The following ADAM22 variants were observed in gnomAD, a reference collection of about 807,000 sequenced individuals.
ADAM22 encodes the protein disintegrin and metalloproteinase domain-containing protein 22.
A neutral mutation model predicts 144.6 loss-of-function variants in ADAM22; 65 were observed. That is an observed-to-expected ratio of 0.45 (90% CI 0.37 to 0.55). The LOEUF (loss-of-function observed/expected upper bound fraction) is 0.55. ADAM22 is among the 20% of genes least tolerant of loss of function. ADAM22 has a pLI of 0.00. For synonymous variants in ADAM22, 391 were observed against 412.6 expected, an observed-to-expected ratio of 0.95 and a Z score of 0.63; for missense variants, 974 against 1,184.9, an observed-to-expected ratio of 0.82 and a Z score of 2.61.
chr7:88,133,256 G>C (rs1303334570), intron 12 of ADAM22, among the ~76,000 whole-genome samples: 1 of 151,824 alleles, frequency 6.6e-6, no homozygotes, highest in African/African-American at 2.4e-5. Context: ...CCAGCTACTG[G>C]GGAGGCTGAA....
intron 26 of ADAM22, among the ~76,000 whole-genome samples, chr7:88,178,144 G>A (rs1171452314): frequency 6.6e-6 from 1 of 151,934 alleles, no homozygotes; most frequent in African/African-American, 2.4e-5. Context: ...AGATGACTTG[G>A]GTCAATAACA....
intron 26 of ADAM22, 59 bp downstream of exon 26, chr7:88,171,620 T>C (rs1323292410): frequency 7.1e-7 from 1 of 1,410,742 alleles, no homozygotes; most frequent in African/African-American, 1.5e-5. Flanking sequence ...ATTAGCATTG[T>C]TGGAATTCAT....
intron 3 of ADAM22, among the ~76,000 whole-genome samples, chr7:88,065,474 C>A (rs1810995235): frequency 6.6e-6 from 1 of 151,922 alleles, no homozygotes; most frequent in Non-Finnish European, 1.5e-5. Context: ...TTATTATAGA[C>A]ATTTTAAGGT....
At chr7:88,137,016 A>G (rs1833140614) in intron 14 of ADAM22, among the ~76,000 whole-genome samples, 1 of 152,116 alleles carries the variant, frequency 6.6e-6, no homozygotes, top group African/African-American at 2.4e-5. Flanking sequence ...TCTGTCCTCC[A>G]TTATTAATTC....
At chr7:88,150,886 A>T in intron 18 of ADAM22, 95 bp from the exon 19 acceptor site, 1 of 1,091,784 alleles carries the variant, frequency 9.2e-7, no homozygotes, top group Non-Finnish European at 1.4e-6. Flanking sequence ...TAGCCATATT[A>T]ACAAATATGT....
chr7:88,026,568 A>G (rs1799078616), intron 3 of ADAM22, among the ~76,000 whole-genome samples: 1 of 152,158 alleles, frequency 6.6e-6, no homozygotes, highest in African/African-American at 2.4e-5. Context: ...TGATTTTTGT[A>G]TGTTGTTTTT....
chr7:88,099,309 C>T (rs1422664959), intron 4 of ADAM22, among the ~76,000 whole-genome samples: 1 of 152,310 alleles, frequency 6.6e-6, no homozygotes, highest in Non-Finnish European at 1.5e-5. Flanking sequence ...GACTTCATTA[C>T]TCTGGCATTG....
chr7:87,966,225 G>C (rs993287642), intron 2 of ADAM22, among the ~76,000 whole-genome samples: 1 of 152,170 alleles, frequency 6.6e-6, no homozygotes, highest in African/African-American at 2.4e-5. Flanking sequence ...TCCCAGGGCT[G>C]ATTTGTCGGA....
chr7:87,957,603 G>A (rs1847088191), intron 2 of ADAM22, among the ~76,000 whole-genome samples: 1 of 151,918 alleles, frequency 6.6e-6, no homozygotes, highest in Non-Finnish European at 1.5e-5. Context: ...TTATTGAGAT[G>A]GAGTTTCGCT....
intron 27 of ADAM22, among the ~76,000 whole-genome samples, chr7:88,180,298 C>T (rs1846679530): frequency 6.6e-6 from 1 of 151,988 alleles, no homozygotes; most frequent in African/African-American, 2.4e-5. Flanking sequence ...TACTTGAATT[C>T]TCTGATACAA....
At chr7:88,131,716 T>G in intron 11 of ADAM22, 1 of 398,410 alleles carries the variant, frequency 2.5e-6, no homozygotes. Flanking sequence ...ATATATAGTA[T>G]TCTTAACTAC....
chr7:88,046,936 G>A (rs1313055473), intron 3 of ADAM22, among the ~76,000 whole-genome samples: 1 of 151,712 alleles, frequency 6.6e-6, no homozygotes, highest in East Asian at 1.9e-4. Flanking sequence ...GTGGAATGTG[G>A]TTGTTCAGAT....
At chr7:88,183,593 A>G (rs1294408711) in intron 29 of ADAM22, among the ~76,000 whole-genome samples, 3 of 152,096 alleles carry the variant, frequency 2.0e-5, no homozygotes, top group Non-Finnish European at 4.4e-5. Context: ...AATACTACAG[A>G]TGGCCTTTGA....
rs1850952293 is a variant in ADAM22, at chr7:88,199,069, T to C, written c.*2578T>C. 6.6e-6 allele frequency: 1 copy of C among 152,236 alleles called. No homozygotes were observed. Among genetic ancestry groups the C allele is most frequent in the African/African-American group, 2.4e-5 (1 of 41,460 alleles). 9.4% of individuals were successfully genotyped at this position (152,236 alleles called of 1,614,324 possible). A position where few individuals can be genotyped will look rare whatever the true frequency, so the allele number is the denominator to read the frequency against. ...CAAGAAGTATCTATATGTATACTCA[T>C]GGTTGGGGTTCTAGAGGCATTACAT... On this transcript the variant is annotated 3_prime_UTR_variant, in exon 32 of 32. Coordinates refer to ENST00000413139, the MANE Select transcript of ADAM22 (RefSeq NM_001324418.2).
In ADAM22 at chr7:88,181,993, A is replaced by G; in HGVS notation, c.2632A>G (p.Lys878Glu). 1 of 1,613,880 alleles carries G rather than the reference A, an allele frequency of 6.2e-7. No homozygotes were observed. Among genetic ancestry groups the G allele is most frequent in the Non-Finnish European group, 8.5e-7 (1 of 1,179,790 alleles). Reference sequence around the variant, plus strand: ...AGGCAACAAAAAGAAAATCAGAGGCAAAAGATTTAGACCTCGGTCTAATTC... The same window carrying G: ...AGGCAACAAAAAGAAAATCAGAGGCGAAAGATTTAGACCTCGGTCTAATTC... ...LGGNKKKIRGKRFRPRSNSTE... is the reference protein window; with the variant it reads ...LGGNKKKIRGERFRPRSNSTE... The change falls in exon 29 of 32, where the codon AAA (lysine) becomes GAA (glutamate). Residue 878 changes from lysine to glutamate, a missense_variant. By Grantham distance (56) the Lys-to-Glu change is moderately conservative (BLOSUM62 1). Transcript: ENST00000413139.
rs929954564 is a variant in ADAM22, at chr7:88,186,497, T to G, written c.2664-118T>G. 7 of 757,560 alleles carry G rather than the reference T, an allele frequency of 9.2e-6. No individual in the cohort carries two copies. The African/African-American group carries it at 1.0e-4, about 11-fold the overall frequency. 46.9% of individuals were successfully genotyped at this position (757,560 alleles called of 1,614,324 possible). A position where few individuals can be genotyped will look rare whatever the true frequency, so the allele number is the denominator to read the frequency against. On this transcript the variant is annotated intron_variant, in intron 29 of 31. Coordinates refer to ENST00000413139, the MANE Select transcript of ADAM22 (RefSeq NM_001324418.2). ...TAATCACCCAACATCCATTCTGGTT[T>G]ATTTGCCATGGTCACTTGCATTTGG...
At chr7:87,943,331 G>T (rs1174453382) in intron 2 of ADAM22, among the ~76,000 whole-genome samples, 1 of 151,714 alleles carries the variant, frequency 6.6e-6, no homozygotes, top group African/African-American at 2.4e-5. Context: ...AGTGGTAGAA[G>T]TGGGAATAGG....
intron 2 of ADAM22, among the ~76,000 whole-genome samples, chr7:87,951,154 T>C (rs958339392): frequency 2.6e-5 from 4 of 151,154 alleles, no homozygotes; most frequent in African/African-American, 7.3e-5. Flanking sequence ...TTAGATCCCA[T>C]TTGTCAATTT....
At chr7:88,068,145 C>T (rs1031274741) in intron 3 of ADAM22, among the ~76,000 whole-genome samples, 4 of 151,890 alleles carry the variant, frequency 2.6e-5, no homozygotes, top group African/African-American at 9.7e-5. Flanking sequence ...TCTAGTATAT[C>T]AAAAGGATCT....
Sources: gnomAD v4.1 joint callset for allele counts (sites outside exome capture counted in the v4.1 genomes callset) on GRCh38, gnomAD v4.1.1 for gene constraint, MANE v1.5 for transcripts, NCBI Gene and HGNC (gene_info 2026-07-23, HGNC 2026-07-21) for gene names.